Variants in PAK2 observed in about 807,000 individuals in gnomAD.
PAK2 encodes the protein serine/threonine-protein kinase PAK 2.
In PAK2, 21 loss-of-function variants were observed where a neutral mutation model predicts 65.9. The ratio of observed to expected loss-of-function variants is 0.32; its 90% CI spans 0.23 to 0.46. PAK2 has a LOEUF of 0.46. Among genes scored for constraint, PAK2 ranks in the 20% least tolerant of loss-of-function variants. The pLI, the probability that PAK2 is intolerant of heterozygous loss-of-function variation, is 1.00. For missense variants in PAK2, 324 were observed against 642.6 expected (o/e 0.50, Z 5.36); for synonymous variants, 204 against 219.7 (o/e 0.93, Z 0.63).
intron 2 of PAK2, among the ~76,000 whole-genome samples, chr3:196,790,671 G>T (rs1489229000): frequency 6.6e-6 from 1 of 152,214 alleles, no homozygotes; most frequent in African/African-American, 2.4e-5. Context: ...CAGATGTTAT[G>T]CTTGTCAGTC....
At chr3:196,762,997 T>A (rs1309032330) in intron 1 of PAK2, among the ~76,000 whole-genome samples, 2 of 151,924 alleles carry the variant, frequency 1.3e-5, no homozygotes, top group African/African-American at 4.8e-5. Flanking sequence ...AGTAAAAAAA[T>A]AGAGCTCTAA....
At chr3:196,815,499 A>AG (rs1259565734) in intron 11 of PAK2, among the ~76,000 whole-genome samples, 105 of 151,354 alleles carry the variant, frequency 6.9e-4, no homozygotes, top group African/African-American at 2.3e-3. Flanking sequence ...CAAAAAAAAA[A>AG]AAAAAGAGGC....
chr3:196,786,379 T>C (rs1577721104), intron 2 of PAK2, among the ~76,000 whole-genome samples: 1 of 152,120 alleles, frequency 6.6e-6, no homozygotes, highest in South Asian at 2.1e-4. Flanking sequence ...GCCAGGCTGG[T>C]CTTGAACTTC....
intron 2 of PAK2, among the ~76,000 whole-genome samples, chr3:196,796,606 A>AT (rs1715267908): frequency 6.6e-6 from 1 of 152,250 alleles, no homozygotes; most frequent in Non-Finnish European, 1.5e-5. Flanking sequence ...CTAGCTTAAG[A>AT]AACAACTGAG....
At chr3:196,774,018 C>T (rs1018340162) in intron 1 of PAK2, among the ~76,000 whole-genome samples, 5 of 152,012 alleles carry the variant, frequency 3.3e-5, no homozygotes, top group African/African-American at 1.2e-4. Flanking sequence ...GGGGACAGAA[C>T]GAGACTCCGT....
chr3:196,762,428 A>G (rs556836512), intron 1 of PAK2, among the ~76,000 whole-genome samples: 2,268 of 145,800 alleles, frequency 0.016, 104 homozygotes, highest in Admixed American at 0.099. Context: ...AGTGAACGAG[A>G]CTCCGTCTGC....
intron 1 of PAK2, among the ~76,000 whole-genome samples, chr3:196,780,850 G>T (rs541276086): frequency 6.6e-6 from 1 of 152,034 alleles, no homozygotes; most frequent in Non-Finnish European, 1.5e-5. Flanking sequence ...ATGCAGTGGC[G>T]CAATCTCGGC....
At chr3:196,741,975 T>G (rs1182806462) in intron 1 of PAK2, among the ~76,000 whole-genome samples, 1 of 152,242 alleles carries the variant, frequency 6.6e-6, no homozygotes, top group African/African-American at 2.4e-5. Flanking sequence ...TCCGTGCTAT[T>G]TAATACTAAC....
Position 196,820,009 on chromosome 3 carries a change from A to G in PAK2, c.1154-362A>G, listed in dbSNP as rs1375875819. On this transcript the variant is annotated intron_variant, in intron 12 of 14. Coordinates refer to ENST00000327134, the MANE Select transcript of PAK2 (RefSeq NM_002577.4). The surrounding 1 kb of genome is among the most constrained non-coding windows in gnomAD (Gnocchi z 4.6). ...AATTTTAAAAATTAAACAAAATTAA[A>G]AGACAAAGTAGTTTCCATGACCTGA... Among the ~76,000 whole-genome samples the G allele has an allele frequency of 1.3e-5, 2 of 152,184 alleles. No individual in the cohort carries two copies. The highest frequency in any genetic ancestry group is 2.9e-5 in the Non-Finnish European group (2 of 68,032).
intron 1 of PAK2, among the ~76,000 whole-genome samples, chr3:196,775,335 C>T (rs1714499966): frequency 6.6e-6 from 1 of 152,128 alleles, no homozygotes; most frequent in South Asian, 2.1e-4. Context: ...ATGTACAGAA[C>T]ATAAGTTACT....
intron 13 of PAK2, among the ~76,000 whole-genome samples, chr3:196,823,594 G>A (rs180772086): frequency 3.0e-4 from 45 of 151,764 alleles, no homozygotes; most frequent in Middle Eastern, 3.4e-3. Flanking sequence ...GGCCGGGCAC[G>A]GTGGCTCATG....
intron 2 of PAK2, among the ~76,000 whole-genome samples, chr3:196,798,085 A>G (rs191345108): frequency 1.3e-5 from 2 of 152,318 alleles, no homozygotes; most frequent in African/African-American, 4.8e-5. Flanking sequence ...AGTAAGTAGA[A>G]GAAAGGAAAT....
intron 1 of PAK2, among the ~76,000 whole-genome samples, chr3:196,745,282 A>ATTTT (rs34194625): frequency 0.025 from 2,330 of 92,662 alleles, 55 homozygotes; most frequent in African/African-American, 0.056. Context: ...CACCCAACTG[A>ATTTT]TTTTTTTTTT....
chr3:196,777,187 A>G (rs1714562662), intron 1 of PAK2, among the ~76,000 whole-genome samples: 1 of 152,138 alleles, frequency 6.6e-6, no homozygotes, highest in Non-Finnish European at 1.5e-5. Context: ...AATTATTTAA[A>G]CAACTTGGTT....
chr3:196,775,866 T>C (rs982684267), intron 1 of PAK2, among the ~76,000 whole-genome samples: 2 of 152,198 alleles, frequency 1.3e-5, no homozygotes, highest in African/African-American at 2.4e-5. Flanking sequence ...GTTTTCAACA[T>C]GTTAAGGATT....
intron 1 of PAK2, among the ~76,000 whole-genome samples, chr3:196,775,697 G>A (rs1248874678): frequency 1.3e-5 from 2 of 152,100 alleles, no homozygotes; most frequent in African/African-American, 4.8e-5. Flanking sequence ...GTAAGGAAAG[G>A]CTGTGTTCTG....
At chr3:196,775,103 T>G (rs931075949) in intron 1 of PAK2, among the ~76,000 whole-genome samples, 2 of 152,190 alleles carry the variant, frequency 1.3e-5, no homozygotes, top group African/African-American at 2.4e-5. Flanking sequence ...TATATTAGAA[T>G]TGTGGCGGCA....
intron 2 of PAK2, among the ~76,000 whole-genome samples, chr3:196,801,319 G>C (rs1026372634): frequency 1.3e-5 from 2 of 152,086 alleles, no homozygotes; most frequent in East Asian, 1.9e-4. Flanking sequence ...GTGCCCGAAG[G>C]GGGTGTCTCT....
chr3:196,814,950 C>T (rs113298738), intron 11 of PAK2, among the ~76,000 whole-genome samples: 24,194 of 151,886 alleles, frequency 0.16, 2,233 homozygotes, highest in Non-Finnish European at 0.21. Flanking sequence ...GAGGCCGAGG[C>T]GGGTGGATCA....
Sources: allele counts gnomAD v4.1 joint callset (sites outside exome capture counted in the v4.1 genomes callset), GRCh38; gene constraint gnomAD v4.1.1; non-coding constraint Gnocchi (gnomAD v3.1); transcripts MANE v1.5; gene names NCBI Gene and HGNC (gene_info 2026-07-23, HGNC 2026-07-21).